Variants in ZNF385B observed in about 807,000 individuals in gnomAD.
ZNF385B encodes the protein zinc finger protein 533.
A neutral mutation model predicts 39.2 loss-of-function variants in ZNF385B; 23 were observed. The observed-to-expected ratio is 0.59, with a 90% CI of 0.42 to 0.83. The LOEUF is 0.83. Ranked by LOEUF, ZNF385B falls within the 40% of genes least tolerant of loss-of-function variation. The probability of loss-of-function intolerance (pLI) is 0.00; values close to 1 mark genes in which losing one functional copy is unlikely to be tolerated. For missense variants in ZNF385B, 552 were observed against 598.9 expected (o/e 0.92, Z 0.82); for synonymous variants, 205 against 222.6 (o/e 0.92, Z 0.70).
intron 3 of ZNF385B, among the ~76,000 whole-genome samples, chr2:179,694,398 T>C (rs1698566770): frequency 6.6e-6 from 1 of 151,836 alleles, no homozygotes; most frequent in Non-Finnish European, 1.5e-5. Flanking sequence ...AAGCTAGCTG[T>C]GTAACTATTA....
intron 1 of ZNF385B, among the ~76,000 whole-genome samples, chr2:179,844,029 G>C (rs958238233): frequency 6.6e-6 from 1 of 152,156 alleles, no homozygotes; most frequent in East Asian, 1.9e-4. Context: ...AGAAAGAAGC[G>C]AGCAAGCCAT....
chr2:179,816,339 G>C (rs1707065452), intron 1 of ZNF385B, among the ~76,000 whole-genome samples: 1 of 152,164 alleles, frequency 6.6e-6, no homozygotes, highest in East Asian at 1.9e-4. Context: ...TTCTCCTCTG[G>C]AATGCCTTGG....
chr2:179,836,508 G>GTTTTAT (rs1559237839), intron 1 of ZNF385B, among the ~76,000 whole-genome samples: 1 of 106,004 alleles, frequency 9.4e-6, no homozygotes, highest in African/African-American at 4.0e-5. Flanking sequence ...AGGTTCTTGC[G>GTTTTAT]TTTTCTTTTT....
intron 3 of ZNF385B, among the ~76,000 whole-genome samples, chr2:179,696,326 CTTTTT>C (rs71029828): frequency 2.0e-4 from 8 of 40,358 alleles, no homozygotes; most frequent in South Asian, 1.4e-3. Flanking sequence ...CAAACTGGGA[CTTTTT>C]TTTTTTTTTT....
chr2:179,848,064 C>G (rs1410136111), intron 1 of ZNF385B, among the ~76,000 whole-genome samples: 1 of 152,066 alleles, frequency 6.6e-6, no homozygotes, highest in African/African-American at 2.4e-5. Context: ...AGGTGCTGCA[C>G]ATGAAAGGAG....
At chr2:179,833,577 C>T (rs1708094511) in intron 1 of ZNF385B, among the ~76,000 whole-genome samples, 1 of 152,278 alleles carries the variant, frequency 6.6e-6, no homozygotes, top group Non-Finnish European at 1.5e-5. Context: ...GTCCTATTCA[C>T]TGGTGGTTAC....
chr2:179,472,120 T>C (rs939762039), intron 6 of ZNF385B, among the ~76,000 whole-genome samples: 5 of 152,224 alleles, frequency 3.3e-5, no homozygotes, highest in Non-Finnish European at 7.3e-5. Flanking sequence ...ATTATGGTTC[T>C]TGATTTATTC....
chr2:179,622,954 C>T (rs1225255224), intron 3 of ZNF385B, among the ~76,000 whole-genome samples: 4 of 152,186 alleles, frequency 2.6e-5, no homozygotes, highest in African/African-American at 4.8e-5. Context: ...AGGGCACACA[C>T]AAGCTAAAAT....
At chr2:179,836,551 G>A (rs544462851) in intron 1 of ZNF385B, among the ~76,000 whole-genome samples, 6 of 134,096 alleles carry the variant, frequency 4.5e-5, no homozygotes, top group Admixed American at 2.6e-4. Context: ...TCGCTCTGTC[G>A]CCCAGGCCAG....
intron 3 of ZNF385B, among the ~76,000 whole-genome samples, chr2:179,655,524 G>A: frequency 6.6e-6 from 1 of 151,642 alleles, no homozygotes; most frequent in Non-Finnish European, 1.5e-5. Context: ...CATGTTAATA[G>A]GTTAGGGTTT....
At chr2:179,860,452 C>T (rs1318902197) in intron 1 of ZNF385B, among the ~76,000 whole-genome samples, 1 of 152,168 alleles carries the variant, frequency 6.6e-6, no homozygotes, top group Non-Finnish European at 1.5e-5. Context: ...CTCCCCCTCC[C>T]CTTCTCCTCG....
intron 6 of ZNF385B, among the ~76,000 whole-genome samples, chr2:179,466,726 G>A (rs1029504360): frequency 1.3e-5 from 2 of 151,654 alleles, no homozygotes; most frequent in African/African-American, 2.4e-5. Flanking sequence ...TTCAAGACTA[G>A]CCTGGCTAAC....
chr2:179,820,335 C>A (rs574423172), intron 1 of ZNF385B, among the ~76,000 whole-genome samples: 1 of 151,970 alleles, frequency 6.6e-6, no homozygotes, highest in South Asian at 2.1e-4. Context: ...GACTATAGCC[C>A]TTTTCTCATT....
intron 6 of ZNF385B, among the ~76,000 whole-genome samples, chr2:179,472,900 A>G (rs1261264656): frequency 6.6e-6 from 1 of 152,174 alleles, no homozygotes; most frequent in Non-Finnish European, 1.5e-5. Flanking sequence ...CTGTACATAC[A>G]GCAACCTGTC....
intron 3 of ZNF385B, among the ~76,000 whole-genome samples, chr2:179,760,223 C>CGTGTGT (rs1553525685): frequency 6.9e-6 from 1 of 144,474 alleles, no homozygotes; most frequent in African/African-American, 2.6e-5. Flanking sequence ...TTCCTGTGTG[C>CGTGTGT]GTGTGTGTGT....
At chr2:179,803,251 C>A (rs767260181) in intron 1 of ZNF385B, among the ~76,000 whole-genome samples, 10 of 152,078 alleles carry the variant, frequency 6.6e-5, no homozygotes, top group Non-Finnish European at 1.5e-4. Context: ...TGACACAGGG[C>A]ATATGTCTTC....
chr2:179,589,889 G>A (rs1687406263), intron 3 of ZNF385B, among the ~76,000 whole-genome samples: 1 of 152,154 alleles, frequency 6.6e-6, no homozygotes, highest in Non-Finnish European at 1.5e-5. Context: ...CTGTTGATCT[G>A]CTAATTTTTC....
chr2:179,858,837 G>A (rs573033346), intron 1 of ZNF385B, among the ~76,000 whole-genome samples: 36 of 152,306 alleles, frequency 2.4e-4, no homozygotes, highest in Admixed American at 5.9e-4. Flanking sequence ...ACTCCTGTAA[G>A]AAGTTAGCTA....
chr2:179,703,850 C>T (rs1699391641), intron 3 of ZNF385B, among the ~76,000 whole-genome samples: 1 of 152,140 alleles, frequency 6.6e-6, no homozygotes, highest in Admixed American at 6.5e-5. Context: ...ATTGATAATG[C>T]CTCATGATGG....
Sources: gnomAD v4.1 joint callset for allele counts (sites outside exome capture counted in the v4.1 genomes callset) on GRCh38, gnomAD v4.1.1 for gene constraint, MANE v1.5 for transcripts, NCBI Gene and HGNC (gene_info 2026-07-23, HGNC 2026-07-21) for gene names.